EML1: variants seen among roughly 807,000 people sequenced by gnomAD.
EML1 encodes echinoderm microtubule-associated protein-like 1.
EML1 carries 27 observed loss-of-function variants against 110.4 expected under a neutral mutation model. The observed-to-expected ratio is 0.24, with a 90% confidence interval of 0.18 to 0.34. EML1 has a LOEUF of 0.34. Among genes scored for constraint, EML1 ranks in the 10% least tolerant of loss-of-function variants. The probability of loss-of-function intolerance (pLI) is 1.00; values close to 1 mark genes in which losing one functional copy is unlikely to be tolerated. For synonymous variants in EML1, 344 were observed against 385.8 expected, an observed-to-expected ratio of 0.89 and a Z score of 1.27; for missense variants, 741 against 1,030.9, an observed-to-expected ratio of 0.72 and a Z score of 3.85.
intron 1 of EML1, among the ~76,000 whole-genome samples, chr14:99,762,673 C>G (rs906276904): frequency 6.6e-6 from 1 of 152,154 alleles, no homozygotes; most frequent in Non-Finnish European, 1.5e-5. Flanking sequence ...GTGTCACATG[C>G]CTGTAGTCCC....
At chr14:99,857,674 A>G (rs2058927663) in intron 2 of EML1, among the ~76,000 whole-genome samples, 1 of 152,168 alleles carries the variant, frequency 6.6e-6, no homozygotes, top group Non-Finnish European at 1.5e-5. Context: ...AATTCATACA[A>G]TATGTGGTCT....
chr14:99,871,240 A>C (rs1295590508), intron 3 of EML1, among the ~76,000 whole-genome samples: 1 of 151,628 alleles, frequency 6.6e-6, no homozygotes, highest in Non-Finnish European at 1.5e-5. Context: ...TACAGGCGTG[A>C]GCCACCGCAC....
chr14:99,920,244 T>C (rs897804130), intron 16 of EML1, among the ~76,000 whole-genome samples: 7 of 152,264 alleles, frequency 4.6e-5, no homozygotes, highest in African/African-American at 1.7e-4. Context: ...AGTCCTCCAC[T>C]CCAATTTCTC....
At chr14:99,872,204 A>G (rs761285389) in intron 3 of EML1, among the ~76,000 whole-genome samples, 2 of 152,110 alleles carry the variant, frequency 1.3e-5, no homozygotes, top group African/African-American at 4.8e-5. Context: ...CCTGGCTATG[A>G]ACAGAGGCCT....
At chr14:99,792,207 C>T (rs571420681), upstream of EML1, among the ~76,000 whole-genome samples, 38 of 152,208 alleles carry the variant, frequency 2.5e-4, no homozygotes, top group Non-Finnish European at 5.3e-4. Flanking sequence ...TGAGCCCAAG[C>T]GAGACCTACG....
intron 2 of EML1, among the ~76,000 whole-genome samples, chr14:99,861,011 GA>G (rs2058994556): frequency 6.6e-6 from 1 of 151,998 alleles, no homozygotes; most frequent in South Asian, 2.1e-4. Flanking sequence ...CTTCTTTTGA[GA>G]AAAGGACAAC....
At chr14:99,812,537 C>T (rs1016107504) in intron 1 of EML1, among the ~76,000 whole-genome samples, 1 of 151,764 alleles carries the variant, frequency 6.6e-6, no homozygotes, top group African/African-American at 2.4e-5. Flanking sequence ...CTGCACAATG[C>T]GCCTCCCCAC....
At chr14:99,756,523 C>T (rs2057257077) in intron 1 of EML1, among the ~76,000 whole-genome samples, 1 of 152,186 alleles carries the variant, frequency 6.6e-6, no homozygotes, top group South Asian at 2.1e-4. Flanking sequence ...ACCTTTACTT[C>T]AGATAACAGA....
chr14:99,841,397 TAGA>T (rs2058630674), intron 1 of EML1, among the ~76,000 whole-genome samples: 1 of 152,212 alleles, frequency 6.6e-6, no homozygotes, highest in Non-Finnish European at 1.5e-5. Context: ...GTCATAGTAT[TAGA>T]AGTTTCATAC....
chr14:99,923,284 A>G (rs1393675256), intron 17 of EML1, among the ~76,000 whole-genome samples: 2 of 152,172 alleles, frequency 1.3e-5, no homozygotes, highest in East Asian at 3.8e-4. Flanking sequence ...AAAAGCTTTC[A>G]ATTCTGATGA....
At chr14:99,747,936 A>T (rs2057131273) in intron 1 of EML1, among the ~76,000 whole-genome samples, 1 of 152,172 alleles carries the variant, frequency 6.6e-6, no homozygotes, top group Non-Finnish European at 1.5e-5. Context: ...GAGCTGGTTG[A>T]GAGAGGGTAA....
At chr14:99,920,981 G>C (rs1003306026) in intron 17 of EML1, 104 bp downstream of exon 17, 5 of 1,064,204 alleles carry the variant, frequency 4.7e-6, no homozygotes, top group Non-Finnish European at 6.8e-6. Context: ...AGGTAAACGT[G>C]TGCCATGGTG....
At chr14:99,845,233 T>C (rs2058689410) in intron 1 of EML1, among the ~76,000 whole-genome samples, 1 of 152,218 alleles carries the variant, frequency 6.6e-6, no homozygotes, top group African/African-American at 2.4e-5. Flanking sequence ...TATCTCATTG[T>C]AGTTTTAATT....
chr14:99,885,769 G>T (rs1222346965), intron 4 of EML1: 1 of 390,784 alleles, frequency 2.6e-6, no homozygotes, highest in Non-Finnish European at 5.1e-6. Flanking sequence ...GGAGGAGGAA[G>T]AGGGAAGCCA....
At chr14:99,924,667 T>G (rs965836395) in intron 17 of EML1, among the ~76,000 whole-genome samples, 5 of 152,224 alleles carry the variant, frequency 3.3e-5, no homozygotes, top group African/African-American at 1.2e-4. Flanking sequence ...TACATTTTAT[T>G]AAGTTTCTTC....
At chr14:99,935,193 G>A (rs2060445974) in intron 17 of EML1, among the ~76,000 whole-genome samples, 1 of 152,344 alleles carries the variant, frequency 6.6e-6, no homozygotes, top group African/African-American at 2.4e-5. Context: ...AAAAGAATTT[G>A]TAGGGGGCAG....
chr14:99,882,824 A>T (rs997716290), intron 4 of EML1, among the ~76,000 whole-genome samples: 1 of 119,294 alleles, frequency 8.4e-6, no homozygotes, highest in African/African-American at 5.4e-5. Context: ...AACAAACATG[A>T]AAAAAAAAAA....
intron 19 of EML1, 72 bp from the exon 20 acceptor site, chr14:99,937,744 TG>T: frequency 1.4e-6 from 2 of 1,405,510 alleles, no homozygotes; most frequent in Non-Finnish European, 2.0e-6. Context: ...GGCACAGCTC[TG>T]GGGGCTCAGC....
intron 1 of EML1, among the ~76,000 whole-genome samples, chr14:99,751,416 C>T (rs958558747): frequency 1.3e-5 from 2 of 152,122 alleles, no homozygotes; most frequent in African/African-American, 4.8e-5. Flanking sequence ...ATCAGCCATT[C>T]GACTAACATT....
Sources: allele counts gnomAD v4.1 joint callset (sites outside exome capture counted in the v4.1 genomes callset), GRCh38; gene constraint gnomAD v4.1.1; transcripts MANE v1.5; gene names NCBI Gene and HGNC (gene_info 2026-07-23, HGNC 2026-07-21).